Variants in PTPRM observed in about 807,000 individuals in gnomAD.
The protein encoded by PTPRM is receptor-type tyrosine-protein phosphatase mu.
In PTPRM, 47 loss-of-function variants were observed where a neutral mutation model predicts 186.7. That is an observed-to-expected ratio of 0.25 (90% confidence interval 0.20 to 0.32). PTPRM has a LOEUF of 0.32. Ranked by LOEUF, PTPRM falls within the 10% of genes least tolerant of loss-of-function variation. PTPRM has a pLI of 1.00. For synonymous variants in PTPRM, 668 were observed against 674.9 expected (o/e 0.99, Z 0.16); for missense variants, 1,494 against 1,865.0 (o/e 0.80, Z 3.66).
chr18:8,003,668 TA>T (rs1377176437), intron 7 of PTPRM, among the ~76,000 whole-genome samples: 1 of 152,222 alleles, frequency 6.6e-6, no homozygotes, highest in Non-Finnish European at 1.5e-5. Flanking sequence ...AGCCTTAAAC[TA>T]AATTCTGGGA....
Position 8,343,566 on chromosome 18 carries a change from G to T in PTPRM, c.3054+46G>T, listed in dbSNP as rs759618778. The T allele has an allele frequency of 2.6e-6, 4 of 1,562,780 alleles. No homozygotes were observed. The Admixed American group carries it at 5.0e-5, about 20-fold the overall frequency. ...AAATGGCCATTTTGTTCCTTGCTTAGTTGGTAACAGAAAGTAAGGCATGAG... is the reference window on the plus strand; with the variant it reads ...AAATGGCCATTTTGTTCCTTGCTTATTTGGTAACAGAAAGTAAGGCATGAG... On this transcript the variant is annotated intron_variant, in intron 23 of 32. Transcript: ENST00000580170.
intron 6 of PTPRM, among the ~76,000 whole-genome samples, chr18:7,952,822 A>G (rs990991605): frequency 2.6e-5 from 4 of 152,164 alleles, no homozygotes; most frequent in Admixed American, 1.3e-4. Context: ...CCCGGCCAAC[A>G]TGGTGAAACT....
chr18:7,641,658 G>C (rs1348837739), intron 1 of PTPRM, among the ~76,000 whole-genome samples: 1 of 152,168 alleles, frequency 6.6e-6, no homozygotes, highest in East Asian at 1.9e-4. Context: ...AATTTGATAT[G>C]ATACTGAGAA....
chr18:7,702,887 G>C (rs1236751091), intron 1 of PTPRM, among the ~76,000 whole-genome samples: 1 of 151,708 alleles, frequency 6.6e-6, no homozygotes, highest in African/African-American at 2.4e-5. Flanking sequence ...GTAAGGAAGG[G>C]GTCCAGTTTT....
intron 14 of PTPRM, among the ~76,000 whole-genome samples, chr18:8,187,391 G>A (rs2093656687): frequency 1.3e-5 from 2 of 152,214 alleles, no homozygotes; most frequent in African/African-American, 2.4e-5. Flanking sequence ...CAGCAAGAGA[G>A]CAGCCACTGG....
At chr18:7,829,318 A>G (rs59483663) in intron 2 of PTPRM, among the ~76,000 whole-genome samples, 5,363 of 152,272 alleles carry the variant, frequency 0.035, 275 homozygotes, top group African/African-American at 0.11. Context: ...TTAGAATTCA[A>G]GATGACACTC....
chr18:8,299,872 T>G (rs984334954), intron 20 of PTPRM, among the ~76,000 whole-genome samples: 14 of 152,234 alleles, frequency 9.2e-5, no homozygotes, highest in Non-Finnish European at 1.6e-4. Context: ...ACAGTAGTTT[T>G]CTGACTCCTG....
chr18:7,580,342 G>A (rs77459661), intron 1 of PTPRM, among the ~76,000 whole-genome samples: 7 of 152,192 alleles, frequency 4.6e-5, no homozygotes, highest in African/African-American at 1.7e-4. Context: ...AGAAGTGGGT[G>A]TTGAAGGGCT....
At chr18:8,066,042 G>A (rs145446332) in intron 7 of PTPRM, among the ~76,000 whole-genome samples, 241 of 152,194 alleles carry the variant, frequency 1.6e-3, no homozygotes, top group African/African-American at 5.5e-3. Flanking sequence ...AAATCGCTCT[G>A]TAGAAACATT....
chr18:8,118,100 AAT>A (rs1458803541), intron 13 of PTPRM, among the ~76,000 whole-genome samples: 1 of 152,184 alleles, frequency 6.6e-6, no homozygotes, highest in Non-Finnish European at 1.5e-5. Context: ...AAAAAATCCA[AAT>A]GTGTTATTAG....
At chr18:7,645,572 T>C (rs1191067205) in intron 1 of PTPRM, among the ~76,000 whole-genome samples, 1 of 152,202 alleles carries the variant, frequency 6.6e-6, no homozygotes, top group African/African-American at 2.4e-5. Flanking sequence ...AAAGCACAAA[T>C]GCTAATATAA....
chr18:8,110,211 A>C (rs573199257), intron 11 of PTPRM, among the ~76,000 whole-genome samples: 1 of 152,310 alleles, frequency 6.6e-6, no homozygotes, highest in African/African-American at 2.4e-5. Context: ...CTTCTTCAGA[A>C]GCTTGTAGGA....
chr18:8,301,313 C>A (rs1400700057), intron 20 of PTPRM, among the ~76,000 whole-genome samples: 1 of 152,000 alleles, frequency 6.6e-6, no homozygotes, highest in Non-Finnish European at 1.5e-5. Context: ...CTGAGCTAGC[C>A]CCTTCCAAAT....
At chr18:8,004,943 G>A (rs2084089287) in intron 7 of PTPRM, among the ~76,000 whole-genome samples, 1 of 152,128 alleles carries the variant, frequency 6.6e-6, no homozygotes, top group Admixed American at 6.5e-5. Context: ...GCATTTCAGT[G>A]AAGAATATGT....
chr18:8,194,200 C>T (rs1448805193), intron 14 of PTPRM, among the ~76,000 whole-genome samples: 2 of 152,208 alleles, frequency 1.3e-5, no homozygotes, highest in African/African-American at 4.8e-5. Flanking sequence ...ATGCCATCTC[C>T]TCTTCTTATC....
intron 23 of PTPRM, among the ~76,000 whole-genome samples, chr18:8,347,753 T>C (rs775850357): frequency 6.6e-6 from 1 of 152,184 alleles, no homozygotes; most frequent in Admixed American, 6.5e-5. Flanking sequence ...CCCATAAATC[T>C]AAGTCCGTAG....
chr18:8,369,657 A>G (rs1046747018), intron 23 of PTPRM, among the ~76,000 whole-genome samples: 10 of 152,258 alleles, frequency 6.6e-5, no homozygotes, highest in African/African-American at 2.2e-4. Flanking sequence ...AGAAGAAGTT[A>G]GAAATCAAAT....
intron 3 of PTPRM, among the ~76,000 whole-genome samples, chr18:7,901,527 C>T (rs539047869): frequency 2.6e-5 from 4 of 152,028 alleles, no homozygotes; most frequent in Non-Finnish European, 5.9e-5. Context: ...CCAACACGCC[C>T]GGCTAATTTT....
At chr18:8,152,422 G>T (rs886515406) in intron 14 of PTPRM, among the ~76,000 whole-genome samples, 1 of 152,096 alleles carries the variant, frequency 6.6e-6, no homozygotes, top group Non-Finnish European at 1.5e-5. Context: ...TTATGGTTCT[G>T]TTCTAGTCAA....
Sources: allele counts gnomAD v4.1 joint callset (sites outside exome capture counted in the v4.1 genomes callset), GRCh38; gene constraint gnomAD v4.1.1; transcripts MANE v1.5; gene names NCBI Gene and HGNC (gene_info 2026-07-23, HGNC 2026-07-21).